TAS1R3: variants seen among roughly 807,000 people sequenced by gnomAD.
TAS1R3 encodes the protein taste receptor type 1 member 3.
A neutral mutation model predicts 46.1 loss-of-function variants in TAS1R3; 58 were observed. The ratio of observed to expected loss-of-function variants is 1.26; its 90% CI spans 1.02 to 1.57. TAS1R3 has a LOEUF of 1.57. Ranked by LOEUF, TAS1R3 falls within the 40% of genes most tolerant of loss-of-function variation. The pLI is 0.00. For missense variants in TAS1R3, 1,422 were observed against 1,185.8 expected (o/e 1.20, Z -2.93); for synonymous variants, 724 against 544.7 (o/e 1.33, Z -4.58).
chr1:1,332,126 G>A lies in TAS1R3; in HGVS notation c.595G>A (p.Glu199Lys), dbSNP rs372290908. 13 of 1,599,532 alleles carry A rather than the reference G, an allele frequency of 8.1e-6. No homozygotes were observed. In the African/African-American group the frequency reaches 1.6e-4, roughly 20 times the overall value. ...CCGTGTGCAGCTGACGGCCGCCGCGGAGCTGCTGCAGGAGTTCGGCTGGAA... is the reference window on the plus strand; with the variant it reads ...CCGTGTGCAGCTGACGGCCGCCGCGAAGCTGCTGCAGGAGTTCGGCTGGAA... ...SDRVQLTAAAELLQEFGWNWV... is the reference protein window; with the variant it reads ...SDRVQLTAAAKLLQEFGWNWV... The change falls in exon 3 of 6, where the codon GAG (glutamate) becomes AAG (lysine). Residue 199 changes from glutamate to lysine, a missense_variant. Coordinates refer to ENST00000339381, the MANE Select transcript of TAS1R3 (RefSeq NM_152228.3).
Position 1,331,341 on chromosome 1 carries a change from C to G in TAS1R3, c.-5C>G, listed in dbSNP as rs1277954232. On this transcript the variant is annotated 5_prime_UTR_variant, in exon 1 of 6. Transcript: ENST00000339381. Reference sequence around the variant, plus strand: ...CTGCCGTGCCTGTTGGAAGTTGCCTCTGCCATGCTGGGCCCTGCTGTCCTG... The same window carrying G: ...CTGCCGTGCCTGTTGGAAGTTGCCTGTGCCATGCTGGGCCCTGCTGTCCTG... 1 of 1,564,810 alleles carries G rather than the reference C, an allele frequency of 6.4e-7. No individual in the cohort carries two copies. Among genetic ancestry groups the G allele is most frequent in the Non-Finnish European group, 8.6e-7 (1 of 1,156,938 alleles).
chr1:1,331,951 C>CCCCCA lies in TAS1R3; in HGVS notation c.492+13_492+14insCCCCA, dbSNP rs1643437570. The CCCCCA allele has an allele frequency of 3.1e-6, 5 of 1,598,926 alleles. No individual in the cohort carries two copies. The highest frequency in any genetic ancestry group is 4.3e-6 in the Non-Finnish European group (5 of 1,168,726). ...CCTCATGCCCCAGGTGGGCGCCCCC[C>CCCCCA]ACCATCACCCACCCCCACCCAGCCC... is the stretch of plus-strand genomic sequence containing the variant. On this transcript the variant is annotated intron_variant, in intron 2 of 5. Coordinates refer to ENST00000339381, the MANE Select transcript of TAS1R3 (RefSeq NM_152228.3).
At position 1,332,651 on chromosome 1, in the gene TAS1R3, G is replaced by T. The variant is rs750447360; in HGVS notation, c.1120G>T (p.Asp374Tyr). 44 of 1,607,854 alleles carry T rather than the reference G, an allele frequency of 2.7e-5. No individual in the cohort carries two copies. The Admixed American group carries it at 3.7e-4, about 13-fold the overall frequency. Residue 374 changes from aspartate (D) to tyrosine (Y), a missense_variant, in exon 3 of 6, where the codon GAC becomes TAC. Coordinates refer to ENST00000339381, the MANE Select transcript of TAS1R3 (RefSeq NM_152228.3). ...GGTGGGCCAGCGCTGCCCGCAGTGT[G>T]ACTGCATCACGCTGCAGAACGTGAG... Reference protein sequence around the residue: ...DVVGQRCPQCDCITLQNVSAG... With the variant: ...DVVGQRCPQCYCITLQNVSAG...
chr1:1,332,909 C>G lies in TAS1R3; in HGVS notation c.1276-12C>G, dbSNP rs760666343. 2 of 1,599,386 alleles carry G rather than the reference C, an allele frequency of 1.3e-6. No individual in the cohort carries two copies. Among genetic ancestry groups the G allele is most frequent in the East Asian group, 4.5e-5 (2 of 44,650 alleles). ...AGGTGGCTGGCGGCTCAGCCCCGTCCCCCGCCCGCAGCTCCTGGAGAACAT... is the reference window on the plus strand; with the variant it reads ...AGGTGGCTGGCGGCTCAGCCCCGTCGCCCGCCCGCAGCTCCTGGAGAACAT... On this transcript the variant is annotated splice_polypyrimidine_tract_variant and intron_variant, in intron 3 of 5. Coordinates refer to ENST00000339381, the MANE Select transcript of TAS1R3 (RefSeq NM_152228.3).
rs143388404 is a variant in TAS1R3, at chr1:1,333,090, G to A, written c.1445G>A (p.Arg482His). 657 of 1,612,348 alleles carry A rather than the reference G, an allele frequency of 4.1e-4. No individual in the cohort carries two copies. Among genetic ancestry groups the A allele is most frequent in the African/African-American group, 5.2e-4 (39 of 75,050 alleles). Reference sequence around the variant, plus strand: ...TTCAACGGCAGCCTCAGGACAGAGCGCCTGAAGATCCGCTGGCACACGTCT... The same window carrying A: ...TTCAACGGCAGCCTCAGGACAGAGCACCTGAAGATCCGCTGGCACACGTCT... ...GRFNGSLRTE[R>H]LKIRWHTSDN... is the part of the protein sequence containing the mutation. The change falls in exon 4 of 6, where the codon CGC (arginine) becomes CAC (histidine). Residue 482 changes from arginine to histidine, a missense_variant. By Grantham distance (29) the Arg-to-His change is conservative. Coordinates refer to ENST00000339381, the MANE Select transcript of TAS1R3 (RefSeq NM_152228.3).
chr1:1,331,286 T>C lies in TAS1R3; in HGVS notation c.-60T>C. ...TGCCCGCTCCCCGCCCCGGGCTCACTCCATGTGAGGCCCCAGTCGGGGCAG... is the reference window on the plus strand; with the variant it reads ...TGCCCGCTCCCCGCCCCGGGCTCACCCCATGTGAGGCCCCAGTCGGGGCAG... On this transcript the variant is annotated 5_prime_UTR_variant, in exon 1 of 6. Coordinates refer to ENST00000339381, the MANE Select transcript of TAS1R3 (RefSeq NM_152228.3). 9 of 1,503,620 alleles carry C rather than the reference T, an allele frequency of 6.0e-6. No individual in the cohort carries two copies. Among genetic ancestry groups the C allele is most frequent in the Non-Finnish European group, 8.0e-6 (9 of 1,123,574 alleles). The allele number at this position is 1,503,620 out of a possible 1,614,324, so 93.1% of individuals were successfully genotyped here. A position where few individuals can be genotyped will look rare whatever the true frequency, so the allele number is the denominator to read the frequency against.
In TAS1R3 at chr1:1,332,941, C is replaced by G. The variant is rs376578333; in HGVS notation, c.1296C>G (p.Asn432Lys). ...CGCAGCTCCTGGAGAACATGTACAACCTGACCTTCCACGTGGGCGGGCTGC... is the reference window on the plus strand; with the variant it reads ...CGCAGCTCCTGGAGAACATGTACAAGCTGACCTTCCACGTGGGCGGGCTGC... Reference protein sequence around the residue: ...KPWQLLENMYNLTFHVGGLPL... With the variant: ...KPWQLLENMYKLTFHVGGLPL... The change falls in exon 4 of 6, where the codon AAC becomes AAG. Residue 432 changes from asparagine (N) to lysine (K), a missense_variant. Asn to Lys is a moderately conservative substitution (Grantham distance 94). Transcript: ENST00000339381. The G allele has an allele frequency of 1.2e-6, 2 of 1,611,230 alleles. No homozygotes were observed. The highest frequency in any genetic ancestry group is 1.7e-5 in the Admixed American group (1 of 59,988).
Position 1,334,725 on chromosome 1 carries a change from T to C in TAS1R3, c.*261T>C, listed in dbSNP as rs1326051406. On this transcript the variant is annotated 3_prime_UTR_variant, in exon 6 of 6. Transcript: ENST00000339381. ...CCCAGGTAACCCAGACCCACTGTTC[T>C]GGAAAGAGGCCCGGAGGGCTCCCAG... The C allele has an allele frequency of 2.2e-6, 1 of 447,102 alleles. No homozygotes were observed. Among genetic ancestry groups the C allele is most frequent in the South Asian group, 4.2e-5 (1 of 23,672 alleles). The allele number at this position is 447,102 out of a possible 1,614,324, so 27.7% of individuals were successfully genotyped here.
chr1:1,332,378 CTCT>C lies in TAS1R3; in HGVS notation c.850_852del (p.Phe284del). On this transcript the variant is annotated inframe_deletion, in exon 3 of 6. Coordinates refer to ENST00000339381, the MANE Select transcript of TAS1R3 (RefSeq NM_152228.3). Reference sequence around the variant, plus strand: ...CGCCTCCGTGCACGCCGCCCACGCCCTCTTCAACTACAGCATCAGCAGCAGGCT... The same window carrying C: ...CGCCTCCGTGCACGCCGCCCACGCCCTCAACTACAGCATCAGCAGCAGGCT... 1.2e-6 allele frequency: 2 copies of C among 1,601,438 alleles called. No individual in the cohort carries two copies. The highest frequency in any genetic ancestry group is 1.7e-6 in the Non-Finnish European group (2 of 1,175,174).
In TAS1R3 at chr1:1,332,535, C is replaced by G; in HGVS notation, c.1004C>G (p.Pro335Arg). 6.2e-7 allele frequency: 1 copy of G among 1,611,758 alleles called. No individual in the cohort carries two copies. Reference protein sequence around the residue: ...LQRGAQLHEFPQYVKTHLALA... With the variant: ...LQRGAQLHEFRQYVKTHLALA... ...AGGGGTGCCCAGCTGCACGAGTTCC[C>G]CCAGTACGTGAAGACGCACCTGGCC... The change falls in exon 3 of 6, where the codon CCC becomes CGC. Residue 335 changes from proline (P) to arginine (R), a missense_variant. Physicochemically the swap from Pro to Arg is moderately radical, Grantham distance 103 (BLOSUM62 -2). Coordinates refer to ENST00000339381, the MANE Select transcript of TAS1R3 (RefSeq NM_152228.3).
chr1:1,332,859 G>T, intron 3 of TAS1R3, 53 bp downstream of exon 3: 1 of 1,588,332 alleles, frequency 6.3e-7, no homozygotes, highest in Admixed American at 1.7e-5. Flanking sequence ...CAGGCCACCA[G>T]GCACGGCCAC....
At chr1:1,331,994 G>A (rs1223232264) in intron 2 of TAS1R3, 30 bp from the exon 3 acceptor site, 3 of 1,500,200 alleles carry the variant, frequency 2.0e-6, no homozygotes, top group Admixed American at 1.8e-5. Context: ...GGGAGCCCCT[G>A]TGTCAGGAGA....
Position 1,334,194 on chromosome 1 carries a change from C to T in TAS1R3, c.2289C>T (p.Gly763=), listed in dbSNP as rs1213205209. The change falls in exon 6 of 6, where the codon GGC becomes GGT. Residue 763 remains glycine, a synonymous_variant. Coordinates refer to ENST00000339381, the MANE Select transcript of TAS1R3 (RefSeq NM_152228.3). The part of the protein sequence containing the change: ...SQPGCYNRAR[G]LTFAMLAYFI... The stretch of plus-strand genomic sequence containing the variant: ...CGGGCTGCTACAACCGTGCCCGTGG[C>T]CTCACCTTTGCCATGCTGGCCTACT... 8 of 1,603,360 alleles carry T rather than the reference C, an allele frequency of 5.0e-6. No homozygotes were observed. In the Middle Eastern group the frequency reaches 1.3e-3, roughly 265 times the overall value.
rs1643473373 is a variant in TAS1R3 at position 1,333,296 on chromosome 1, G to A, written c.1517G>A (p.Gly506Asp). 1 of 1,598,346 alleles carries A rather than the reference G, an allele frequency of 6.3e-7. No individual in the cohort carries two copies. The highest frequency in any genetic ancestry group is 1.3e-5 in the African/African-American group (1 of 74,804). Reference sequence around the variant, plus strand: ...CGGTGCTCGCGGCAGTGCCAGGAGGGCCAGGTGCGCCGGGTCAAGGGGTTC... The same window carrying A: ...CGGTGCTCGCGGCAGTGCCAGGAGGACCAGGTGCGCCGGGTCAAGGGGTTC... ...VSRCSRQCQE[G>D]QVRRVKGFHS... Residue 506 changes from glycine to aspartate, a missense_variant, in exon 5 of 6, where the codon GGC becomes GAC. Coordinates refer to ENST00000339381, the MANE Select transcript of TAS1R3 (RefSeq NM_152228.3).
Position 1,333,976 on chromosome 1 carries a change from G to T in TAS1R3, c.2071G>T (p.Val691Leu), listed in dbSNP as rs899902265. 9.4e-6 allele frequency: 15 copies of T among 1,600,836 alleles called. No individual in the cohort carries two copies. The African/African-American group carries it at 2.0e-4, about 21-fold the overall frequency. The change falls in exon 6 of 6, where the codon GTG (valine) becomes TTG (leucine). Residue 691 changes from valine (V) to leucine (L), a missense_variant. Val to Leu is a conservative substitution (Grantham distance 32). Transcript: ENST00000339381. ...GCTGGTGGTGCTGCTGGCCATGCTG[G>T]TGGAGGTCGCACTGTGCACCTGGTA... ...AWLVVLLAML[V>L]EVALCTWYLV...
In TAS1R3 at chr1:1,332,145, G is replaced by A. The variant is rs1249855529; in HGVS notation, c.614G>A (p.Gly205Asp). The change falls in exon 3 of 6, where the codon GGC (glycine) becomes GAC (aspartate). Residue 205 changes from glycine (G) to aspartate (D), a missense_variant. Gly to Asp is a moderately conservative substitution (Grantham distance 94, BLOSUM62 -1). Coordinates refer to ENST00000339381, the MANE Select transcript of TAS1R3 (RefSeq NM_152228.3). ...TAAAELLQEF[G>D]WNWVAALGSD... Reference sequence around the variant, plus strand: ...GCCGCGGAGCTGCTGCAGGAGTTCGGCTGGAACTGGGTGGCCGCCCTGGGC... The same window carrying A: ...GCCGCGGAGCTGCTGCAGGAGTTCGACTGGAACTGGGTGGCCGCCCTGGGC... 1.3e-6 allele frequency: 2 copies of A among 1,598,872 alleles called. No individual in the cohort carries two copies. The highest frequency in any genetic ancestry group is 1.7e-6 in the Non-Finnish European group (2 of 1,179,450).
Position 1,333,975 on chromosome 1 carries a change from G to A in TAS1R3, c.2070G>A (p.Leu690=), listed in dbSNP as rs534688077. ...WAWLVVLLAM[L]VEVALCTWYL... is the part of the protein sequence containing the mutation. ...GGCTGGTGGTGCTGCTGGCCATGCT[G>A]GTGGAGGTCGCACTGTGCACCTGGT... Residue 690 remains leucine, a synonymous_variant, in exon 6 of 6, where the codon CTG becomes CTA. Coordinates refer to ENST00000339381, the MANE Select transcript of TAS1R3 (RefSeq NM_152228.3). 3.2e-5 allele frequency: 52 copies of A among 1,600,944 alleles called. No individual in the cohort carries two copies. The East Asian group carries it at 1.1e-3, about 34-fold the overall frequency.
In TAS1R3 at chr1:1,333,805, C is replaced by A; in HGVS notation, c.1900C>A (p.Leu634Met). The change falls in exon 6 of 6, where the codon CTG (leucine) becomes ATG (methionine). Residue 634 changes from leucine to methionine, a missense_variant. By Grantham distance (15) the Leu-to-Met change is conservative. Coordinates refer to ENST00000339381, the MANE Select transcript of TAS1R3 (RefSeq NM_152228.3). ...TGGCCAGCCCAGCCCTGCCCGATGC[C>A]TGGCCCAGCAGCCCTTGTCCCACCT... Reference protein sequence around the residue: ...FPGQPSPARCLAQQPLSHLPL... With the variant: ...FPGQPSPARCMAQQPLSHLPL... 1 of 1,596,874 alleles carries A rather than the reference C, an allele frequency of 6.3e-7. No homozygotes were observed.
rs2100696494 is a variant in TAS1R3 at position 1,334,824 on chromosome 1, A to C, written c.*360A>C. Reference sequence around the variant, plus strand: ...CCCGGCCAGATGGCTGGAAGCCCAAATCAGGCCCTGCCGACCTGACCATGT... The same window carrying C: ...CCCGGCCAGATGGCTGGAAGCCCAACTCAGGCCCTGCCGACCTGACCATGT... On this transcript the variant is annotated 3_prime_UTR_variant, in exon 6 of 6. Coordinates refer to ENST00000339381, the MANE Select transcript of TAS1R3 (RefSeq NM_152228.3). 6 of 215,058 alleles carry C rather than the reference A, an allele frequency of 2.8e-5. No homozygotes were observed. The highest frequency in any genetic ancestry group is 4.6e-5 in the African/African-American group (2 of 43,506). 13.3% of individuals were successfully genotyped at this position (215,058 alleles called of 1,614,324 possible).
Sources: gnomAD v4.1 joint callset for allele counts on GRCh38, gnomAD v4.1.1 for gene constraint, MANE v1.5 for transcripts, NCBI Gene and HGNC (gene_info 2026-07-23, HGNC 2026-07-21) for gene names.